ANK3: variants seen among roughly 807,000 people sequenced by gnomAD.
ANK3 encodes the protein ankyrin-3.
In ANK3, 57 loss-of-function variants were observed where a neutral mutation model predicts 370.9. The observed-to-expected ratio is 0.15, with a 90% CI of 0.12 to 0.19. The LOEUF is 0.19. Among genes scored for constraint, ANK3 ranks in the 10% least tolerant of loss-of-function variants. The pLI is 1.00. For synonymous variants in ANK3, 1,929 were observed against 1,946.3 expected (o/e 0.99, Z 0.23); for missense variants, 4,439 against 5,302.1 (o/e 0.84, Z 5.06).
At chr10:60,573,636 C>A (rs115806807) in intron 2 of ANK3, among the ~76,000 whole-genome samples, 219 of 152,326 alleles carry the variant, frequency 1.4e-3, no homozygotes, top group African/African-American at 5.1e-3. Flanking sequence ...CTCACCATGC[C>A]TTCCATCCAT....
At chr10:60,202,908 T>TA (rs1316041937) in intron 12 of ANK3, 94 bp downstream of exon 12, 6 of 839,046 alleles carry the variant, frequency 7.2e-6, no homozygotes, top group African/African-American at 3.5e-5. Context: ...CTCCAACTCT[T>TA]AAAAAAATAA....
chr10:60,717,134 T>G (rs1441675513), intron 1 of ANK3, among the ~76,000 whole-genome samples: 2 of 152,210 alleles, frequency 1.3e-5, no homozygotes, highest in Non-Finnish European at 2.9e-5. Context: ...AGGCTACTTT[T>G]CACCAATCAC....
chr10:60,184,397 C>T (rs928532777), intron 17 of ANK3, among the ~76,000 whole-genome samples: 12 of 152,124 alleles, frequency 7.9e-5, no homozygotes, highest in African/African-American at 1.4e-4. Flanking sequence ...AAAACGACAA[C>T]GGAGAAAGGA....
At position 60,208,171 on chromosome 10, in the gene ANK3, G is replaced by A; in HGVS notation, c.1059C>T (p.Leu353=). 1.2e-6 allele frequency: 2 copies of A among 1,614,142 alleles called. No individual in the cohort carries two copies. The highest frequency in any genetic ancestry group is 1.3e-5 in the African/African-American group (1 of 75,034). ...QGDHLNCVQL[L]LQHNVPVDDV... is the part of the protein sequence containing the mutation. Reference sequence around the variant, plus strand: ...CATCCACGGGTACATTATGCTGGAGGAGAAGCTGGACGCAGTTTAAATGAT... The same window carrying A: ...CATCCACGGGTACATTATGCTGGAGAAGAAGCTGGACGCAGTTTAAATGAT... Residue 353 remains leucine, a synonymous_variant, in exon 10 of 44, where the codon CTC becomes CTT. Coordinates refer to ENST00000280772, the MANE Select transcript of ANK3 (RefSeq NM_020987.5).
At chr10:60,116,266 G>C (rs2132119015) in intron 25 of ANK3, among the ~76,000 whole-genome samples, 1 of 152,048 alleles carries the variant, frequency 6.6e-6, no homozygotes, top group East Asian at 1.9e-4. Flanking sequence ...AGAGTTCTAG[G>C]CAAAAAATGG....
chr10:60,179,417 G>T (rs533742316), intron 18 of ANK3, among the ~76,000 whole-genome samples: 1 of 152,212 alleles, frequency 6.6e-6, no homozygotes, highest in Non-Finnish European at 1.5e-5. Context: ...CTACGTGGCC[G>T]GGAACGGTGG....
rs148628552 is a variant in ANK3 at position 60,698,993 on chromosome 10, T to C, written c.57+34270A>G. Among the ~76,000 whole-genome samples the C allele has an allele frequency of 9.7e-3, 1,474 of 151,768 alleles. 14 individuals are homozygous for C. Among genetic ancestry groups the C allele is most frequent in the Middle Eastern group, 0.038 (11 of 290 alleles). On this transcript the variant is annotated intron_variant, in intron 1 of 43. Coordinates refer to the ANK3 transcript ENST00000373827. ...GACATTCACAGTGACCTGGATGAGATTGGAGACTATAATTCTAAGTGAAGT... is the reference window on the plus strand; with the variant it reads ...GACATTCACAGTGACCTGGATGAGACTGGAGACTATAATTCTAAGTGAAGT...
chr10:60,389,692 G>C lies in ANK3; in HGVS notation c.-154C>G. The C allele has an allele frequency of 6.9e-7, 1 of 1,449,892 alleles. No individual in the cohort carries two copies. Among genetic ancestry groups the C allele is most frequent in the Non-Finnish European group, 9.0e-7 (1 of 1,107,452 alleles). 89.8% of individuals were successfully genotyped at this position (1,449,892 alleles called of 1,614,324 possible). A position where few individuals can be genotyped will look rare whatever the true frequency, so the allele number is the denominator to read the frequency against. On this transcript the variant is annotated 5_prime_UTR_variant, in exon 1 of 44. Transcript: ENST00000280772. ...AGATATTCACAATGCAAAGATGCTG[G>C]AGAAGCTGAAGCTTTTAAAAACCCA...
intron 1 of ANK3, among the ~76,000 whole-genome samples, chr10:60,382,595 T>C (rs929853106): frequency 3.9e-5 from 6 of 152,084 alleles, no homozygotes; most frequent in African/African-American, 9.7e-5. Context: ...CTGACGTATA[T>C]GTGAATGATT....
chr10:60,612,759 A>G (rs2078218217), intron 2 of ANK3, among the ~76,000 whole-genome samples: 1 of 152,122 alleles, frequency 6.6e-6, no homozygotes, highest in African/African-American at 2.4e-5. Context: ...CTCAGTTTTA[A>G]TCACTCACCT....
chr10:60,642,856 T>G (rs1258018207), intron 1 of ANK3, among the ~76,000 whole-genome samples: 1 of 152,168 alleles, frequency 6.6e-6, no homozygotes, highest in Non-Finnish European at 1.5e-5. Flanking sequence ...ATTTACAATG[T>G]GCATGTGTCC....
chr10:60,278,972 G>A, intron 3 of ANK3, 78 bp downstream of exon 3: 1 of 1,554,998 alleles, frequency 6.4e-7, no homozygotes, highest in Non-Finnish European at 8.9e-7. Context: ...TGAGATATGT[G>A]CCCCCATTCT....
intron 23 of ANK3, among the ~76,000 whole-genome samples, chr10:60,152,005 T>C (rs1225904356): frequency 7.1e-6 from 1 of 141,052 alleles, no homozygotes; most frequent in East Asian, 2.0e-4. Context: ...GATTCAATCA[T>C]GGTAAATACC....
chr10:60,308,675 A>G lies in ANK3; in HGVS notation c.115-29036T>C, dbSNP rs183435403. On this transcript the variant is annotated intron_variant, in intron 1 of 43. Coordinates refer to ENST00000280772, the MANE Select transcript of ANK3 (RefSeq NM_020987.5). ...AAAGTGGTTAGGGAAGCTGTTTCCA[A>G]CTGCATTTTCTCTCCCATCCCTCAG... Among the ~76,000 whole-genome samples the G allele has an allele frequency of 9.2e-5, 14 of 152,162 alleles. No homozygotes were observed. The East Asian group carries it at 2.5e-3, about 27-fold the overall frequency.
intron 43 of ANK3, among the ~76,000 whole-genome samples, chr10:60,035,099 T>C (rs1308014909): frequency 6.6e-6 from 1 of 152,202 alleles, no homozygotes; most frequent in East Asian, 1.9e-4. Context: ...ATTTTATTAC[T>C]GTTATTATTT....
At position 60,724,054 on chromosome 10, in the gene ANK3, C is replaced by CA. The variant is rs1204641470; in HGVS notation, c.57+9208dup. On this transcript the variant is annotated intron_variant, in intron 1 of 43. Transcript: ENST00000373827. Reference sequence around the variant, plus strand: ...TGAAACCCCGTCTCTACTAAAAATACAAAAAATTAGCCAGGTGTGGTGGCG... The same window carrying CA: ...TGAAACCCCGTCTCTACTAAAAATACAAAAAAATTAGCCAGGTGTGGTGGCG... 6.1e-5 allele frequency among the ~76,000 whole-genome samples: 8 copies of CA among 130,798 alleles called. 1 individual carries two copies. Among genetic ancestry groups the CA allele is most frequent in the Non-Finnish European group, 1.2e-4 (7 of 59,562 alleles). The allele number at this position is 130,798 out of a possible 152,430, so 85.8% of individuals were successfully genotyped here.
At chr10:60,513,955 C>T (rs928675891) in intron 2 of ANK3, among the ~76,000 whole-genome samples, 1 of 152,084 alleles carries the variant, frequency 6.6e-6, no homozygotes, top group African/African-American at 2.4e-5. Flanking sequence ...CCACCTCAGC[C>T]TTTGCTGCCC....
chr10:60,606,672 A>C (rs7894641), intron 2 of ANK3, among the ~76,000 whole-genome samples: 22,839 of 152,144 alleles, frequency 0.15, 2,178 homozygotes, highest in South Asian at 0.27. Flanking sequence ...CTGGTAGGAA[A>C]GGCCAGTCTT....
At chr10:60,038,073 G>C (rs1434046432) in intron 43 of ANK3, among the ~76,000 whole-genome samples, 1 of 152,156 alleles carries the variant, frequency 6.6e-6, no homozygotes, top group African/African-American at 2.4e-5. Context: ...TCATATGCTT[G>C]TTGGCCACAT....
Sources: gnomAD v4.1 joint callset for allele counts (sites outside exome capture counted in the v4.1 genomes callset) on GRCh38, gnomAD v4.1.1 for gene constraint, MANE v1.5 for transcripts, NCBI Gene and HGNC (gene_info 2026-07-23, HGNC 2026-07-21) for gene names.